HCN1: variants seen among roughly 807,000 people sequenced by gnomAD.
The protein encoded by HCN1 is hyperpolarization activated cyclic nucleotide gated potassium channel 1, also known as potassium/sodium hyperpolarization-activated cyclic nucleotide-gated channel 1.
A neutral mutation model predicts 78.9 loss-of-function variants in HCN1; 13 were observed. That is an observed-to-expected ratio of 0.16 (90% CI 0.11 to 0.26). HCN1 has a LOEUF of 0.26. HCN1 is among the 10% of genes least tolerant of loss of function. The pLI, the probability that HCN1 is intolerant of heterozygous loss-of-function variation, is 1.00. For missense variants in HCN1, 810 were observed against 1,154.3 expected (o/e 0.70, Z 4.32); for synonymous variants, 552 against 455.5 (o/e 1.21, Z -2.70).
chr5:45,582,906 G>T (rs1247777331), intron 2 of HCN1, among the ~76,000 whole-genome samples: 1 of 152,058 alleles, frequency 6.6e-6, no homozygotes, highest in Non-Finnish European at 1.5e-5. Flanking sequence ...TTGATGTGCT[G>T]TTGGATTCAG....
intron 4 of HCN1, among the ~76,000 whole-genome samples, chr5:45,361,503 G>A (rs1747108711): frequency 6.6e-6 from 1 of 152,186 alleles, no homozygotes; most frequent in Non-Finnish European, 1.5e-5. Context: ...GTAGAGATGG[G>A]GTTTCACCAC....
chr5:45,299,253 T>G (rs1354159657), intron 6 of HCN1, among the ~76,000 whole-genome samples: 3 of 152,020 alleles, frequency 2.0e-5, no homozygotes, highest in Non-Finnish European at 4.4e-5. Context: ...GTTGGTTCAT[T>G]AGTTTTGACC....
chr5:45,372,016 AATATATATAATATAATTATATATATATT>A lies in HCN1; in HGVS notation c.1231-18798_1231-18771del, dbSNP rs1456287763. ...GTAATATATATAGTATATATCATAT[AATATATATAATATAATTATATATATATT>A]ATATATATAATATAATTATATTATA... On this transcript the variant is annotated intron_variant, in intron 4 of 7. Coordinates refer to ENST00000303230, the MANE Select transcript of HCN1 (RefSeq NM_021072.4). Among the ~76,000 whole-genome samples, 118 of 64,666 alleles carry A rather than the reference AATATATATAATATAATTATATATATATT, an allele frequency of 1.8e-3. 5 individuals carry two copies. The highest frequency in any genetic ancestry group is 9.8e-3 in the Middle Eastern group (1 of 102). The allele number at this position is 64,666 out of a possible 152,430, so 42.4% of individuals were successfully genotyped here.
At chr5:45,628,285 C>T (rs1745206538) in intron 2 of HCN1, among the ~76,000 whole-genome samples, 1 of 152,138 alleles carries the variant, frequency 6.6e-6, no homozygotes, top group Non-Finnish European at 1.5e-5. Context: ...TCACATGTTC[C>T]CACACCATCA....
intron 4 of HCN1, among the ~76,000 whole-genome samples, chr5:45,366,355 C>T (rs1308547162): frequency 1.3e-5 from 2 of 151,686 alleles, no homozygotes; most frequent in East Asian, 3.9e-4. Flanking sequence ...TTCCTAATGT[C>T]CTTTTTCCAC....
At chr5:45,609,343 T>G (rs1744788197) in intron 2 of HCN1, among the ~76,000 whole-genome samples, 1 of 152,054 alleles carries the variant, frequency 6.6e-6, no homozygotes, top group Admixed American at 6.6e-5. Context: ...ATAGATAATT[T>G]AACAATTACA....
intron 6 of HCN1, among the ~76,000 whole-genome samples, chr5:45,285,400 C>T (rs1373012961): frequency 3.3e-5 from 5 of 152,054 alleles, no homozygotes; most frequent in Non-Finnish European, 5.9e-5. Context: ...TTTCACTCTT[C>T]TTATATTATT....
Position 45,262,508 on chromosome 5 carries a change from G to A in HCN1, c.2086C>T (p.Pro696Ser). The A allele has an allele frequency of 6.2e-7, 1 of 1,613,738 alleles. No homozygotes were observed. The highest frequency in any genetic ancestry group is 8.5e-7 in the Non-Finnish European group (1 of 1,179,972). ...QTPQPSAILS[P>S]CSYTTAVCSP... Reference sequence around the variant, plus strand: ...CAGACCGCGGTGGTGTAGGAGCAGGGTGACAGGATGGCTGATGGCTGGGGG... The same window carrying A: ...CAGACCGCGGTGGTGTAGGAGCAGGATGACAGGATGGCTGATGGCTGGGGG... The change falls in exon 8 of 8, where the codon CCC becomes TCC. Residue 696 changes from proline to serine, a missense_variant. This residue lies in a region of HCN1 where 398 missense variants were observed against 381.3 expected (regional missense o/e 1.04). Transcript: ENST00000303230.
chr5:45,270,345 C>T (rs764130965), intron 6 of HCN1, among the ~76,000 whole-genome samples: 75 of 152,274 alleles, frequency 4.9e-4, no homozygotes, highest in Middle Eastern at 3.4e-3. Context: ...GGATTTAAAA[C>T]GGAATATTTG....
chr5:45,475,979 C>T (rs1392132345), intron 2 of HCN1, among the ~76,000 whole-genome samples: 5 of 151,932 alleles, frequency 3.3e-5, no homozygotes, highest in African/African-American at 7.2e-5. Flanking sequence ...ATAACATAGA[C>T]GATAGAACTT....
chr5:45,333,259 T>C (rs1746382550), intron 5 of HCN1, among the ~76,000 whole-genome samples: 2 of 151,894 alleles, frequency 1.3e-5, no homozygotes, highest in Non-Finnish European at 2.9e-5. Flanking sequence ...CATCTTTTCA[T>C]ATGCCCGTTT....
At chr5:45,314,765 T>C (rs1745942027) in intron 5 of HCN1, among the ~76,000 whole-genome samples, 1 of 152,164 alleles carries the variant, frequency 6.6e-6, no homozygotes, top group Admixed American at 6.5e-5. Context: ...GTTGCAATCC[T>C]AGTCTCTGAT....
chr5:45,412,041 A>T (rs1296989257), intron 3 of HCN1, among the ~76,000 whole-genome samples: 2 of 152,122 alleles, frequency 1.3e-5, no homozygotes, highest in Non-Finnish European at 1.5e-5. Context: ...TGTGGAGGGA[A>T]ACAACAGTAT....
intron 5 of HCN1, among the ~76,000 whole-genome samples, chr5:45,344,956 A>T (rs939590665): frequency 2.0e-5 from 3 of 152,140 alleles, no homozygotes; most frequent in Non-Finnish European, 4.4e-5. Context: ...TTTCCCTACC[A>T]CACTGCCCTA....
At chr5:45,428,382 G>T (rs1378026335) in intron 3 of HCN1, among the ~76,000 whole-genome samples, 1 of 151,666 alleles carries the variant, frequency 6.6e-6, no homozygotes, top group African/African-American at 2.4e-5. Context: ...TTTCTCTTGG[G>T]TCCTTACTTT....
chr5:45,497,196 A>G lies in HCN1; in HGVS notation c.850-35189T>C, dbSNP rs548470904. On this transcript the variant is annotated intron_variant, in intron 2 of 7. Coordinates refer to ENST00000303230, the MANE Select transcript of HCN1 (RefSeq NM_021072.4). ...ATATTCTGTTGATTTGGGATGGAGA[A>G]TTCTGTAGATGTCTATTAGGTCCAC... Among the ~76,000 whole-genome samples the G allele has an allele frequency of 1.8e-4, 28 of 152,170 alleles. 1 individual carries two copies. Among genetic ancestry groups the G allele is most frequent in the African/African-American group, 6.0e-4 (25 of 41,552 alleles).
At chr5:45,641,580 A>T (rs1009786481) in intron 2 of HCN1, 1 of 152,332 alleles carries the variant, frequency 6.6e-6, no homozygotes, top group African/African-American at 2.4e-5. Flanking sequence ...TATTATAGTT[A>T]TATATTCCAA....
intron 4 of HCN1, among the ~76,000 whole-genome samples, chr5:45,372,058 AATTATAT>A (rs1747388272): frequency 1.6e-5 from 1 of 61,236 alleles, no homozygotes; most frequent in Non-Finnish European, 2.7e-5. Context: ...TATATAATAT[AATTATAT>A]TATATATTAT....
At chr5:45,674,137 A>G (rs1188897477) in intron 1 of HCN1, among the ~76,000 whole-genome samples, 1 of 151,176 alleles carries the variant, frequency 6.6e-6, no homozygotes, top group Non-Finnish European at 1.5e-5. Flanking sequence ...TAGTTGATAT[A>G]TATGTATATA....
Sources: gnomAD v4.1 joint callset for allele counts (sites outside exome capture counted in the v4.1 genomes callset) on GRCh38, gnomAD v4.1.1 for gene constraint, gnomAD v4.1.1 regional missense constraint, MANE v1.5 for transcripts, NCBI Gene and HGNC (gene_info 2026-07-23, HGNC 2026-07-21) for gene names.